The following EIF4G1 variants were observed in gnomAD, a reference collection of about 807,000 sequenced individuals.
EIF4G1 encodes the protein EIF4-gamma.
In EIF4G1, 4 loss-of-function variants were observed where a neutral mutation model predicts 187.8. That is an observed-to-expected ratio of 0.02 (90% CI 0.01 to 0.05). The LOEUF is 0.05. Ranked by LOEUF, EIF4G1 falls within the 10% of genes least tolerant of loss-of-function variation. The probability of loss-of-function intolerance (pLI) is 1.00; values close to 1 mark genes in which losing one functional copy is unlikely to be tolerated. For missense variants in EIF4G1, 1,647 were observed against 2,081.1 expected (o/e 0.79, Z 4.06); for synonymous variants, 844 against 781.4 (o/e 1.08, Z -1.34).
chr3:184,320,796 T>C, intron 8 of EIF4G1, 74 bp downstream of exon 8: 2 of 1,610,802 alleles, frequency 1.2e-6, no homozygotes, highest in South Asian at 1.1e-5. Flanking sequence ...CCCTGGATCT[T>C]TTCTTTCAAC....
chr3:184,327,815 C>A lies in EIF4G1; in HGVS notation c.3781-15C>A. ...CAGTGACTGGTCTCTTCCTGCTGTG[C>A]CCTGCACCCCTCAGGAGGCAGTCCA... On this transcript the variant is annotated splice_polypyrimidine_tract_variant and intron_variant, in intron 25 of 32. Transcript: ENST00000346169. The A allele has an allele frequency of 3.1e-6, 5 of 1,614,046 alleles. No individual in the cohort carries two copies. The highest frequency in any genetic ancestry group is 4.2e-6 in the Non-Finnish European group (5 of 1,180,026).
chr3:184,333,303 A>G (rs1010805884), intron 32 of EIF4G1, among the ~76,000 whole-genome samples: 1 of 152,216 alleles, frequency 6.6e-6, no homozygotes, highest in Non-Finnish European at 1.5e-5. Flanking sequence ...TCGAGATGTC[A>G]GCTCAATAGC....
At position 184,325,271 on chromosome 3, in the gene EIF4G1, C is replaced by T. The variant is rs928300981; in HGVS notation, c.2859C>T (p.Pro953=). The T allele has an allele frequency of 2.7e-5, 43 of 1,614,074 alleles. No homozygotes were observed. Among genetic ancestry groups the T allele is most frequent in the Non-Finnish European group, 3.6e-5 (42 of 1,180,024 alleles). ...GKDLDFEKAK[P]RMDQYFNQME... is the part of the protein sequence containing the mutation. ...TCTGATGCCTTTCTCCTTCCTAGCC[C>T]CGAATGGATCAGTATTTCAACCAGA... The change falls in exon 19 of 33, where the codon CCC becomes CCT. Residue 953 remains proline, a splice_region_variant and synonymous_variant. Coordinates refer to ENST00000346169, the MANE Select transcript of EIF4G1 (RefSeq NM_198241.3). The surrounding 1 kb of genome is among the most constrained non-coding windows in gnomAD (Gnocchi z 5.2).
Position 184,324,936 on chromosome 3 carries a change from G to A in EIF4G1, c.2678G>A (p.Arg893Gln), listed in dbSNP as rs759941916. 5.6e-6 allele frequency: 9 copies of A among 1,614,206 alleles called. No individual in the cohort carries two copies. Among genetic ancestry groups the A allele is most frequent in the South Asian group, 3.3e-5 (3 of 91,086 alleles). ...GAAGAGGCTCGGGACATAGCCCGGC[G>A]GCGCTCTTTAGGGAATATCAAGTTT... Reference protein sequence around the residue: ...ELEEARDIARRRSLGNIKFIG... With the variant: ...ELEEARDIARQRSLGNIKFIG... The change falls in exon 18 of 33, where the codon CGG (arginine) becomes CAG (glutamine). Residue 893 changes from arginine (R) to glutamine (Q), a missense_variant. This residue lies in a region of EIF4G1 where 142 missense variants were observed against 296.6 expected (regional missense o/e 0.48). Transcript: ENST00000346169.
At chr3:184,328,456 A>G in intron 26 of EIF4G1, 175 bp from the exon 27 acceptor site, 3 of 889,928 alleles carry the variant, frequency 3.4e-6, no homozygotes, top group Non-Finnish European at 5.5e-6. Context: ...TAGGGGGTTA[A>G]GCGGGGTGAA....
chr3:184,334,391 T>C lies in EIF4G1; in HGVS notation c.4619-336T>C, dbSNP rs539671332. ...TATATAGGACTTTATGTATGATATA[T>C]ATAGGACTTTTAGCGATTTCCTGAA... On this transcript the variant is annotated intron_variant, in intron 32 of 32. Coordinates refer to ENST00000346169, the MANE Select transcript of EIF4G1 (RefSeq NM_198241.3). The surrounding 1 kb of genome is among the most constrained non-coding windows in gnomAD (Gnocchi z 5.8). Among the ~76,000 whole-genome samples the C allele has an allele frequency of 5.9e-5, 9 of 152,308 alleles. No homozygotes were observed. Among genetic ancestry groups the C allele is most frequent in the South Asian group, 2.1e-4 (1 of 4,826 alleles).
chr3:184,319,678 C>G lies in EIF4G1; in HGVS notation c.425-11C>G, dbSNP rs1205766980. 5 of 1,539,656 alleles carry G rather than the reference C, an allele frequency of 3.2e-6. No individual in the cohort carries two copies. Among genetic ancestry groups the G allele is most frequent in the South Asian group, 2.3e-5 (2 of 85,396 alleles). ...GCTACCACCATTCTTCTCCGTCCCC[C>G]CTCCCCCAAGCTGGCGCCTACTATC... On this transcript the variant is annotated splice_polypyrimidine_tract_variant and intron_variant, in intron 6 of 32. Transcript: ENST00000346169.
At position 184,331,536 on chromosome 3, in the gene EIF4G1, A is replaced by T; in HGVS notation, c.4325A>T (p.Glu1442Val). The T allele has an allele frequency of 6.2e-7, 1 of 1,612,060 alleles. No homozygotes were observed. The highest frequency in any genetic ancestry group is 8.5e-7 in the Non-Finnish European group (1 of 1,179,344). ...GGCCAGAGGGCACTCCCCTCCGAGG[A>T]GCTGAACAGGCAGCTGGAGAAGCTG... ...APGQRALPSE[E>V]LNRQLEKLLK... Residue 1442 changes from glutamate to valine, a missense_variant, in exon 30 of 33, where the codon GAG (glutamate) becomes GTG (valine). Physicochemically the swap from Glu to Val is moderately radical, Grantham distance 121. This residue lies in a region of EIF4G1 where 543 missense variants were observed against 638.0 expected (regional missense o/e 0.85). Coordinates refer to ENST00000346169, the MANE Select transcript of EIF4G1 (RefSeq NM_198241.3).
Position 184,315,873 on chromosome 3 carries a change from TAGC to T in EIF4G1, c.60+20_60+22del. On this transcript the variant is annotated intron_variant, in intron 3 of 32. Coordinates refer to ENST00000346169, the MANE Select transcript of EIF4G1 (RefSeq NM_198241.3). ...CTCCCACAGGTAATTAGGGAGGAAT[TAGC>T]AGGGGTGGGGGTGGGGGAGACCAGG... 4.0e-6 allele frequency: 6 copies of T among 1,512,362 alleles called. No individual in the cohort carries two copies. The highest frequency in any genetic ancestry group is 5.4e-6 in the Non-Finnish European group (6 of 1,121,074). 93.7% of individuals were successfully genotyped at this position (1,512,362 alleles called of 1,614,324 possible).
chr3:184,334,701 C>CT lies in EIF4G1; in HGVS notation c.4619-25dup, dbSNP rs1252894201. 5 of 1,613,934 alleles carry CT rather than the reference C, an allele frequency of 3.1e-6. No homozygotes were observed. The highest frequency in any genetic ancestry group is 4.2e-6 in the Non-Finnish European group (5 of 1,179,988). The stretch of plus-strand genomic sequence containing the variant: ...CTGGGGTGGCGGTGGCCAGTCACCT[C>CT]TAACTGCTGTCCCGCCTGCTTGCAG... On this transcript the variant is annotated intron_variant, in intron 32 of 32. Transcript: ENST00000346169. The surrounding 1 kb of genome is among the most constrained non-coding windows in gnomAD (Gnocchi z 5.8).
chr3:184,334,653 T>TCCC lies in EIF4G1; in HGVS notation c.4619-74_4619-73insCCC. The TCCC allele has an allele frequency of 1.3e-6, 2 of 1,593,336 alleles. No individual in the cohort carries two copies. The highest frequency in any genetic ancestry group is 1.7e-6 in the Non-Finnish European group (2 of 1,162,838). On this transcript the variant is annotated intron_variant, in intron 32 of 32. Coordinates refer to ENST00000346169, the MANE Select transcript of EIF4G1 (RefSeq NM_198241.3). The surrounding 1 kb of genome is among the most constrained non-coding windows in gnomAD (Gnocchi z 5.8). ...CAGGGCCTTGTTTGAACAGTGGAAC[T>TCCC]TGGGAGGGTTCCCTGGGGTGGGCTG...
intron 22 of EIF4G1, 61 bp downstream of exon 22, chr3:184,326,690 C>T: frequency 6.3e-7 from 1 of 1,586,008 alleles, no homozygotes; most frequent in East Asian, 2.2e-5. Flanking sequence ...AGGACAGAGC[C>T]TTTTCTGTTA....
rs1723499938 is a variant in EIF4G1, at chr3:184,319,635, A to T, written c.425-54A>T. The T allele has an allele frequency of 2.6e-6, 3 of 1,174,994 alleles. No individual in the cohort carries two copies. In the Admixed American group the frequency reaches 5.9e-5, roughly 23 times the overall value. 72.8% of individuals were successfully genotyped at this position (1,174,994 alleles called of 1,614,324 possible). On this transcript the variant is annotated intron_variant, in intron 6 of 32. Coordinates refer to ENST00000346169, the MANE Select transcript of EIF4G1 (RefSeq NM_198241.3). ...TGGGAGGTGTCAGGCAGGCATTAGT[A>T]TATGGTTGGGCCCTGACGCTACCAC...
chr3:184,316,721 C>A, intron 4 of EIF4G1: 1 of 1,595,598 alleles, frequency 6.3e-7, no homozygotes, highest in South Asian at 1.1e-5. Flanking sequence ...AGGGAGGATT[C>A]AGGTCTCTGC....
At position 184,323,468 on chromosome 3, in the gene EIF4G1, G is replaced by C. The variant is rs111396765; in HGVS notation, c.2149G>C (p.Ala717Pro). The C allele has an allele frequency of 1.3e-3, 2,029 of 1,614,094 alleles. 2 individuals are homozygous for C. The highest frequency in any genetic ancestry group is 1.7e-3 in the Non-Finnish European group (1,950 of 1,180,058). Residue 717 changes from alanine (A) to proline (P), a missense_variant, in exon 15 of 33, where the codon GCC becomes CCC. Coordinates refer to ENST00000346169, the MANE Select transcript of EIF4G1 (RefSeq NM_198241.3). The surrounding 1 kb of genome is among the most constrained non-coding windows in gnomAD (Gnocchi z 6.9). ...GPRKEPRKII[A>P]TVLMTEDIKL... ...CCGAAAAGAACCACGCAAGATCATT[G>C]CCACAGTGTTAATGACCGAAGATAT... is the stretch of plus-strand genomic sequence containing the variant.
At position 184,317,447 on chromosome 3, in the gene EIF4G1, T is replaced by C; in HGVS notation, c.274T>C (p.Ser92Pro). 1 of 1,614,070 alleles carries C rather than the reference T, an allele frequency of 6.2e-7. No homozygotes were observed. The highest frequency in any genetic ancestry group is 1.3e-5 in the African/African-American group (1 of 75,004). Residue 92 changes from serine to proline, a missense_variant, in exon 5 of 33, where the codon TCC becomes CCC. By Grantham distance (74) the Ser-to-Pro change is moderately conservative. Coordinates refer to ENST00000346169, the MANE Select transcript of EIF4G1 (RefSeq NM_198241.3). The stretch of plus-strand genomic sequence containing the variant: ...TGGATCCCAAGTAATGATGATCCCT[T>C]CCCAGATCTCCTACCCAGCCTCCCA... The part of the protein sequence containing the change: ...PAGSQVMMIP[S>P]QISYPASQGA...
chr3:184,319,226 C>T (rs1394089673), intron 6 of EIF4G1: 1 of 166,212 alleles, frequency 6.0e-6, no homozygotes, highest in African/African-American at 2.4e-5. Flanking sequence ...GAACTAGACT[C>T]AAGTTAAATG....
At chr3:184,316,579 C>T in intron 4 of EIF4G1, 1 of 866,694 alleles carries the variant, frequency 1.2e-6, no homozygotes, top group Non-Finnish European at 1.8e-6. Flanking sequence ...CCAGCTGGTC[C>T]TTGCCTTTCT....
At chr3:184,317,590 G>A in intron 5 of EIF4G1, 93 bp downstream of exon 5, 2 of 1,564,948 alleles carry the variant, frequency 1.3e-6, no homozygotes, top group Non-Finnish European at 8.8e-7. Flanking sequence ...TTTTCCAGAG[G>A]TGGGACTTCC....
Sources: gnomAD v4.1 joint callset for allele counts (sites outside exome capture counted in the v4.1 genomes callset) on GRCh38, gnomAD v4.1.1 for gene constraint, gnomAD v4.1.1 regional missense constraint, Gnocchi (gnomAD v3.1) non-coding constraint, MANE v1.5 for transcripts, NCBI Gene and HGNC (gene_info 2026-07-23, HGNC 2026-07-21) for gene names.